The following LRRIQ3 variants were observed in gnomAD, a reference collection of about 807,000 sequenced individuals.
The protein encoded by LRRIQ3 is leucine rich repeats and IQ motif containing 3.
A neutral mutation model predicts 59.3 loss-of-function variants in LRRIQ3; 75 were observed. The ratio of observed to expected loss-of-function variants is 1.26; its 90% CI spans 1.05 to 1.53. The LOEUF (loss-of-function observed/expected upper bound fraction) is 1.53, where lower values mean the gene tolerates loss of function less well. Among genes scored for constraint, LRRIQ3 ranks in the 40% most tolerant of loss-of-function variants. LRRIQ3 has a pLI of 0.00. For missense variants in LRRIQ3, 831 were observed against 710.0 expected, an observed-to-expected ratio of 1.17 and a Z score of -1.94; for synonymous variants, 250 against 231.3, an observed-to-expected ratio of 1.08 and a Z score of -0.73.
intron 7 of LRRIQ3, among the ~76,000 whole-genome samples, chr1:74,037,833 T>C (rs996734148): frequency 6.6e-6 from 1 of 152,060 alleles, no homozygotes; most frequent in African/African-American, 2.4e-5. Context: ...AACCGTGCTT[T>C]TTCCATGGAA....
intron 6 of LRRIQ3, among the ~76,000 whole-genome samples, chr1:74,069,994 G>A (rs1281596230): frequency 6.6e-6 from 1 of 151,990 alleles, no homozygotes; most frequent in African/African-American, 2.4e-5. Flanking sequence ...ACAAGGTTGT[G>A]GAGAAAAGAA....
chr1:74,132,763 A>G (rs1647047367), intron 4 of LRRIQ3, among the ~76,000 whole-genome samples: 1 of 152,190 alleles, frequency 6.6e-6, no homozygotes, highest in Non-Finnish European at 1.5e-5. Context: ...TAAAAACCCT[A>G]GAAGAAAACC....
intron 6 of LRRIQ3, among the ~76,000 whole-genome samples, chr1:74,073,332 T>C (rs1039833084): frequency 6.6e-6 from 1 of 152,050 alleles, no homozygotes; most frequent in Non-Finnish European, 1.5e-5. Context: ...GGCAACATGG[T>C]GAAACTCCAT....
At chr1:74,043,459 G>A (rs963177886) in intron 6 of LRRIQ3, among the ~76,000 whole-genome samples, 1 of 152,076 alleles carries the variant, frequency 6.6e-6, no homozygotes, top group Admixed American at 6.6e-5. Flanking sequence ...CGTTGGAAAA[G>A]TAAGTAAATT....
rs1311748642 is a variant in LRRIQ3, at chr1:74,026,690, CTT to C, written c.*121_*122del. 19 of 737,478 alleles carry C rather than the reference CTT, an allele frequency of 2.6e-5. No homozygotes were observed. The highest frequency in any genetic ancestry group is 2.5e-4 in the South Asian group (12 of 48,288). 45.7% of individuals were successfully genotyped at this position (737,478 alleles called of 1,614,324 possible). On this transcript the variant is annotated 3_prime_UTR_variant, in exon 8 of 8. Transcript: ENST00000354431. Reference sequence around the variant, plus strand: ...AACTAATCTTTATATTTTTAGAAGACTTATATATAAATCCATCTTGTGATGTA... The same window carrying C: ...AACTAATCTTTATATTTTTAGAAGACATATATAAATCCATCTTGTGATGTA...
intron 4 of LRRIQ3, among the ~76,000 whole-genome samples, chr1:74,109,898 AACCTAGTGAAG>A (rs1646669767): frequency 6.6e-6 from 1 of 151,646 alleles, no homozygotes; most frequent in African/African-American, 2.4e-5. Flanking sequence ...TTTTTTTCCA[AACCTAGTGAAG>A]AAGGAACTTT....
At chr1:74,107,682 G>C (rs919914211) in intron 5 of LRRIQ3, among the ~76,000 whole-genome samples, 3 of 150,506 alleles carry the variant, frequency 2.0e-5, no homozygotes, top group African/African-American at 7.3e-5. Flanking sequence ...GCCAGCAGAA[G>C]ATTGAAGGAC....
chr1:74,066,537 C>A (rs950972801), intron 6 of LRRIQ3, among the ~76,000 whole-genome samples: 2 of 152,108 alleles, frequency 1.3e-5, no homozygotes, highest in African/African-American at 4.8e-5. Context: ...GCAGCAGCAG[C>A]AGCTAACATT....
intron 7 of LRRIQ3, among the ~76,000 whole-genome samples, chr1:74,038,868 C>T (rs578222893): frequency 8.8e-4 from 134 of 152,210 alleles, no homozygotes; most frequent in African/African-American, 2.5e-3. Context: ...AAGATGAGAA[C>T]GAATCAATGA....
intron 3 of LRRIQ3, 114 bp from the exon 4 acceptor site, chr1:74,155,980 T>C (rs1648299582): frequency 3.3e-6 from 2 of 609,064 alleles, no homozygotes; most frequent in African/African-American, 1.9e-5. Flanking sequence ...GTTCACAAGG[T>C]CTTACAGGCA....
chr1:74,131,754 AC>A (rs1260817842), intron 4 of LRRIQ3, among the ~76,000 whole-genome samples: 1 of 152,158 alleles, frequency 6.6e-6, no homozygotes, highest in African/African-American at 2.4e-5. Flanking sequence ...TTTATGACAA[AC>A]CCACAGCCAA....
At chr1:74,134,361 C>T (rs1052358355) in intron 4 of LRRIQ3, among the ~76,000 whole-genome samples, 3 of 152,062 alleles carry the variant, frequency 2.0e-5, no homozygotes, top group Non-Finnish European at 2.9e-5. Context: ...ACCCCTACCA[C>T]TTCTACCTAC....
chr1:74,160,890 C>T (rs950793805), intron 3 of LRRIQ3, among the ~76,000 whole-genome samples: 13 of 152,022 alleles, frequency 8.6e-5, no homozygotes, highest in African/African-American at 3.1e-4. Flanking sequence ...GCAGAATTTC[C>T]TCTAGTTCCT....
At chr1:74,049,272 TA>T (rs760709759) in intron 6 of LRRIQ3, among the ~76,000 whole-genome samples, 1 of 152,132 alleles carries the variant, frequency 6.6e-6, no homozygotes, top group Admixed American at 6.6e-5. Context: ...GGTCACAGAA[TA>T]AAAGTTTTGG....
intron 4 of LRRIQ3, among the ~76,000 whole-genome samples, chr1:74,154,083 T>C (rs944748833): frequency 6.6e-6 from 1 of 151,298 alleles, no homozygotes; most frequent in Non-Finnish European, 1.5e-5. Flanking sequence ...CTACTAAAAA[T>C]ATAAAAAATT....
At chr1:74,086,319 G>T (rs1646327041) in intron 5 of LRRIQ3, among the ~76,000 whole-genome samples, 1 of 152,054 alleles carries the variant, frequency 6.6e-6, no homozygotes, top group Non-Finnish European at 1.5e-5. Flanking sequence ...CATGGTGTCT[G>T]GGATTTGATA....
In LRRIQ3 at chr1:74,182,856, CTT is replaced by C; in HGVS notation, c.253_254del (p.Lys85GlufsTer21). Reference protein sequence around the residue: ...IKLDLHGNQIKSLPNTKFWNG... With the variant: ...IKLDLHGNQIXSLPNTKFWNG... ...TCCAAAATTTGGTATTTGGTAGACTCTTTATCTGAAATATTATTAAAAATCTT... is the reference window on the plus strand; with the variant it reads ...TCCAAAATTTGGTATTTGGTAGACTCTATCTGAAATATTATTAAAAATCTT... On this transcript the variant is annotated frameshift_variant, in exon 3 of 8. Coordinates refer to ENST00000354431, the MANE Select transcript of LRRIQ3 (RefSeq NM_001105659.2). LOFTEE classifies it high-confidence loss of function. The C allele has an allele frequency of 7.0e-7, 1 of 1,438,372 alleles. No homozygotes were observed. Among genetic ancestry groups the C allele is most frequent in the South Asian group, 1.6e-5 (1 of 63,334 alleles). 89.1% of individuals were successfully genotyped at this position (1,438,372 alleles called of 1,614,324 possible).
intron 4 of LRRIQ3, 70 bp from the exon 5 acceptor site, chr1:74,109,623 A>G (rs1646663520): frequency 8.0e-7 from 1 of 1,253,686 alleles, no homozygotes; most frequent in African/African-American, 1.5e-5. Flanking sequence ...ATTAGTCATG[A>G]GTTCACTTAC....
chr1:74,156,872 T>A (rs1427253939), intron 3 of LRRIQ3, among the ~76,000 whole-genome samples: 1 of 152,140 alleles, frequency 6.6e-6, no homozygotes, highest in Non-Finnish European at 1.5e-5. Flanking sequence ...AGGTCACTGT[T>A]TATGTTTTGA....
Sources: allele counts gnomAD v4.1 joint callset (sites outside exome capture counted in the v4.1 genomes callset), GRCh38; gene constraint gnomAD v4.1.1; transcripts MANE v1.5; gene names NCBI Gene and HGNC (gene_info 2026-07-23, HGNC 2026-07-21).